SLC25A51: variants seen among roughly 807,000 people sequenced by gnomAD.
SLC25A51 encodes solute carrier family 25 member 51.
A neutral mutation model predicts 19.1 loss-of-function variants in SLC25A51; 11 were observed. The observed-to-expected ratio is 0.58, with a 90% CI of 0.36 to 0.96. The LOEUF is 0.96. Among genes scored for constraint, SLC25A51 ranks in the 40% least tolerant of loss-of-function variants. SLC25A51 has a pLI of 0.01. For synonymous variants in SLC25A51, 105 were observed against 133.6 expected (o/e 0.79, Z 1.47); for missense variants, 201 against 365.4 (o/e 0.55, Z 3.67).
rs576814261 is a variant in SLC25A51 at position 37,901,749 on chromosome 9, T to C, written c.-164-1799A>G. On this transcript the variant is annotated intron_variant, in intron 1 of 2. Transcript: ENST00000242275. ...TCTTAATGTACAGAGTTTTGGGGCT[T>C]AATATGATTAACTTCAAGATATGTT... Among the ~76,000 whole-genome samples, 7 of 152,338 alleles carry C rather than the reference T, an allele frequency of 4.6e-5. No individual in the cohort carries two copies. In the South Asian group the frequency reaches 1.4e-3, roughly 32 times the overall value.
At chr9:37,882,172 T>C (rs984011243) in intron 2 of SLC25A51, among the ~76,000 whole-genome samples, 2 of 152,210 alleles carry the variant, frequency 1.3e-5, no homozygotes, top group African/African-American at 4.8e-5. Flanking sequence ...CCTGTTCAAG[T>C]CTTTGATATA....
At chr9:37,889,067 G>A (rs1404239268) in intron 2 of SLC25A51, among the ~76,000 whole-genome samples, 1 of 152,038 alleles carries the variant, frequency 6.6e-6, no homozygotes, top group Non-Finnish European at 1.5e-5. Flanking sequence ...CTGAATATCA[G>A]TCCACATAAA....
downstream of SLC25A51, among the ~76,000 whole-genome samples, chr9:37,883,807 T>A (rs899415428): frequency 2.6e-5 from 4 of 152,266 alleles, no homozygotes; most frequent in African/African-American, 9.6e-5. Context: ...ATTATTTTTT[T>A]AAATCCTTAC....
chr9:37,897,523 A>G (rs1831744758), intron 2 of SLC25A51, among the ~76,000 whole-genome samples: 1 of 152,116 alleles, frequency 6.6e-6, no homozygotes, highest in Non-Finnish European at 1.5e-5. Flanking sequence ...CCACCATGTA[A>G]AAGATCACTT....
At chr9:37,894,343 T>A (rs1831664339) in intron 2 of SLC25A51, among the ~76,000 whole-genome samples, 1 of 151,890 alleles carries the variant, frequency 6.6e-6, no homozygotes, top group Non-Finnish European at 1.5e-5. Flanking sequence ...TTTTTTTTTT[T>A]TGAGGCAGAG....
In SLC25A51 at chr9:37,887,879, C is replaced by A. The variant is rs150196013; in HGVS notation, c.672G>T (p.Met224Ile). ...TAATTGGAAAAAACAAGAATCCCAA[C>A]ATGGCACCCAATAGACCTCCACAGA... is the stretch of plus-strand genomic sequence containing the variant. The part of the protein sequence containing the change: ...DFICGGLLGA[M>I]LGFLFFPINV... The change falls in exon 3 of 3, where the codon ATG becomes ATT. Residue 224 changes from methionine (M) to isoleucine (I), a missense_variant. Transcript: ENST00000242275. The A allele has an allele frequency of 2.1e-4, 332 of 1,611,976 alleles. No homozygotes were observed. Among genetic ancestry groups the A allele is most frequent in the Non-Finnish European group, 2.5e-4 (294 of 1,179,874 alleles).
chr9:37,903,338 C>G (rs916235759), intron 1 of SLC25A51, among the ~76,000 whole-genome samples: 2 of 152,168 alleles, frequency 1.3e-5, no homozygotes, highest in African/African-American at 4.8e-5. Flanking sequence ...CTGTGAGATG[C>G]AAAACAAAGG....
chr9:37,888,723 G>T (rs759451420), intron 2 of SLC25A51, 131 bp from the exon 3 acceptor site: 17 of 757,068 alleles, frequency 2.2e-5, no homozygotes, highest in Non-Finnish European at 3.4e-5. Flanking sequence ...GATTCTTAAA[G>T]CATTTTCAGA....
At chr9:37,881,286 AG>A (rs1386035643) in intron 3 of SLC25A51, among the ~76,000 whole-genome samples, 1 of 152,222 alleles carries the variant, frequency 6.6e-6, no homozygotes, top group African/African-American at 2.4e-5. Flanking sequence ...CTATTACAAC[AG>A]AAAGTACTGA....
At chr9:37,899,663 A>ATC (rs1348190571) in intron 2 of SLC25A51, among the ~76,000 whole-genome samples, 166 bp downstream of exon 2, 2 of 151,866 alleles carry the variant, frequency 1.3e-5, no homozygotes, top group African/African-American at 4.8e-5. Context: ...TGGCACTCAG[A>ATC]TAAGTTTTCA....
chr9:37,883,369 AT>A (rs1336493783), downstream of SLC25A51, among the ~76,000 whole-genome samples: 1 of 152,272 alleles, frequency 6.6e-6, no homozygotes, highest in African/African-American at 2.4e-5. Flanking sequence ...TGACAAAGAA[AT>A]AAAAAAAAAT....
At chr9:37,878,990 TGTAGAGA>T, downstream of SLC25A51, 1 of 253,464 alleles carries the variant, frequency 3.9e-6, no homozygotes, top group South Asian at 5.6e-5. Context: ...TTGCGTGGGT[TGTAGAGA>T]GTAGAGTTGC....
intron 2 of SLC25A51, among the ~76,000 whole-genome samples, chr9:37,891,596 C>T (rs1587162737): frequency 6.6e-6 from 1 of 152,084 alleles, no homozygotes; most frequent in Non-Finnish European, 1.5e-5. Context: ...TGTGTCCACT[C>T]AGGGTTAAAT....
intron 2 of SLC25A51, among the ~76,000 whole-genome samples, chr9:37,895,358 C>A (rs552995382): frequency 4.7e-5 from 7 of 150,064 alleles, no homozygotes; most frequent in Admixed American, 1.3e-4. Context: ...TCCACCACCA[C>A]ATTCGGCTTT....
At chr9:37,878,983 C>T (rs1046844405), downstream of SLC25A51, 1 of 236,506 alleles carries the variant, frequency 4.2e-6, no homozygotes, top group South Asian at 6.9e-5. Flanking sequence ...AAAAACTTTG[C>T]GTGGGTTGTA....
At chr9:37,893,032 G>A (rs1274890374) in intron 2 of SLC25A51, among the ~76,000 whole-genome samples, 2 of 151,602 alleles carry the variant, frequency 1.3e-5, no homozygotes, top group Admixed American at 6.6e-5. Context: ...GGGCCACAGC[G>A]CCTGGCCCAA....
intron 2 of SLC25A51, among the ~76,000 whole-genome samples, chr9:37,892,258 ACAGG>A (rs1831607367): frequency 6.6e-6 from 1 of 152,244 alleles, no homozygotes; most frequent in Non-Finnish European, 1.5e-5. Flanking sequence ...GGAGAGAATG[ACAGG>A]CAGGACATGA....
chr9:37,894,974 T>C (rs1831682935), intron 2 of SLC25A51, among the ~76,000 whole-genome samples: 1 of 152,230 alleles, frequency 6.6e-6, no homozygotes, highest in Non-Finnish European at 1.5e-5. Flanking sequence ...GCCTGCATAG[T>C]ATTCCATGGT....
chr9:37,892,126 C>A (rs541643180), intron 2 of SLC25A51, among the ~76,000 whole-genome samples: 2 of 152,234 alleles, frequency 1.3e-5, no homozygotes, highest in South Asian at 4.1e-4. Context: ...AAATAGCATA[C>A]GTATGTCAGG....
Sources: allele counts gnomAD v4.1 joint callset (sites outside exome capture counted in the v4.1 genomes callset), GRCh38; gene constraint gnomAD v4.1.1; transcripts MANE v1.5; gene names NCBI Gene and HGNC (gene_info 2026-07-23, HGNC 2026-07-21).